NYNRIN: variants seen among roughly 807,000 people sequenced by gnomAD.
The protein encoded by NYNRIN is protein NYNRIN.
In NYNRIN, 86 loss-of-function variants were observed where a neutral mutation model predicts 146.6. The observed-to-expected ratio is 0.59, with a 90% confidence interval of 0.49 to 0.70. NYNRIN has a LOEUF of 0.70. NYNRIN is among the 30% of genes least tolerant of loss of function. The probability of loss-of-function intolerance (pLI) is 0.00; values close to 1 mark genes in which losing one functional copy is unlikely to be tolerated. For missense variants in NYNRIN, 2,191 were observed against 2,377.7 expected (o/e 0.92, Z 1.63); for synonymous variants, 1,027 against 1,001.3 (o/e 1.03, Z -0.48).
chr14:24,410,932 G>A, intron 4 of NYNRIN, 144 bp from the exon 5 acceptor site: 2 of 970,280 alleles, frequency 2.1e-6, no homozygotes, highest in Non-Finnish European at 3.1e-6. Flanking sequence ...CCAAGTAGGT[G>A]CTCACAGAAT....
At chr14:24,400,696 G>A (rs2042836338) in intron 2 of NYNRIN, among the ~76,000 whole-genome samples, 1 of 152,226 alleles carries the variant, frequency 6.6e-6, no homozygotes, top group South Asian at 2.1e-4. Context: ...GCTAACAAGA[G>A]GAGTGTTTTG....
In NYNRIN at chr14:24,411,348, C is replaced by T; in HGVS notation, c.2546-6C>T. 1.9e-6 allele frequency: 3 copies of T among 1,613,928 alleles called. No homozygotes were observed. Among genetic ancestry groups the T allele is most frequent in the Admixed American group, 1.7e-5 (1 of 60,024 alleles). The stretch of plus-strand genomic sequence containing the variant: ...ACCATTTCTGTCTTCTGCCTTTCAC[C>T]CCCAGAGAGCCACTTTCTGACGAAG... On this transcript the variant is annotated splice_region_variant and splice_polypyrimidine_tract_variant and intron_variant, in intron 5 of 8. Transcript: ENST00000382554. The surrounding 1 kb of genome is among the most constrained non-coding windows in gnomAD (Gnocchi z 4.3).
At position 24,410,132 on chromosome 14, in the gene NYNRIN, G is replaced by A. The variant is rs755826892; in HGVS notation, c.2338G>A (p.Glu780Lys). ...CCACGAGGCCCTGAATACACCCTTC[G>A]AGCTGAACCTGTCAGGGGAACCTGG... is the stretch of plus-strand genomic sequence containing the variant. ...RYHEALNTPF[E>K]LNLSGEPGNQ... Residue 780 changes from glutamate (E) to lysine (K), a missense_variant, in exon 4 of 9, where the codon GAG (glutamate) becomes AAG (lysine). This residue lies in a region of NYNRIN where 1,291 missense variants were observed against 1,417.0 expected (regional missense o/e 0.91). Transcript: ENST00000382554. 5.6e-6 allele frequency: 9 copies of A among 1,613,572 alleles called. No homozygotes were observed. In the African/African-American group the frequency reaches 8.0e-5, roughly 14 times the overall value.
rs374620922 is a variant in NYNRIN at position 24,416,700 on chromosome 14, C to T, written c.4951C>T (p.Leu1651=). The change falls in exon 9 of 9, where the codon CTG becomes TTG. Residue 1651 remains leucine (L), a synonymous_variant. Transcript: ENST00000382554. ...CACCAGGTGGGTGGAGGCATTCCCC[C>T]TGAAGCCCTACACACACACGGCTGT... ...PNTRWVEAFP[L]KPYTHTAVAQ... is the part of the protein sequence containing the mutation. The T allele has an allele frequency of 6.2e-7, 1 of 1,613,960 alleles. No homozygotes were observed. The highest frequency in any genetic ancestry group is 8.5e-7 in the Non-Finnish European group (1 of 1,179,870).
intron 2 of NYNRIN, among the ~76,000 whole-genome samples, chr14:24,407,401 A>G (rs2042881214): frequency 6.6e-6 from 1 of 152,224 alleles, no homozygotes; most frequent in South Asian, 2.1e-4. Flanking sequence ...AACTTGCCAC[A>G]GGTTGCATAG....
intron 2 of NYNRIN, among the ~76,000 whole-genome samples, chr14:24,404,649 G>C (rs531912989): frequency 2.6e-5 from 4 of 152,166 alleles, no homozygotes; most frequent in Non-Finnish European, 4.4e-5. Flanking sequence ...TGTTGGTTTT[G>C]AGCTTGATTG....
At chr14:24,405,525 T>C (rs2042870928) in intron 2 of NYNRIN, among the ~76,000 whole-genome samples, 1 of 152,188 alleles carries the variant, frequency 6.6e-6, no homozygotes, top group Non-Finnish European at 1.5e-5. Flanking sequence ...AGGAAGAAGG[T>C]CTGGGTTGGC....
In NYNRIN at chr14:24,415,842, T is replaced by A. The variant is rs763798922; in HGVS notation, c.4093T>A (p.Phe1365Ile). 3 of 1,613,990 alleles carry A rather than the reference T, an allele frequency of 1.9e-6. No individual in the cohort carries two copies. The South Asian group carries it at 3.3e-5, about 18-fold the overall frequency. ...AGCCGTGGCCTGCGGCCTGGAGCGC[T>A]TTGGCCAGTCCCCACTCCCAGTGGT... ...LAAVACGLER[F>I]GQSPLPVVFL... is the part of the protein sequence containing the mutation. The change falls in exon 9 of 9, where the codon TTT becomes ATT. Residue 1365 changes from phenylalanine (F) to isoleucine (I), a missense_variant. Transcript: ENST00000382554.
chr14:24,415,417 T>C lies in NYNRIN; in HGVS notation c.3668T>C (p.Ile1223Thr), dbSNP rs1007988240. ...GCCCTCAAGCATTTTTCCCGCTGCA[T>C]TGGAGACACCCCGGTGGTCCTGGAC... is the stretch of plus-strand genomic sequence containing the variant. ...AWALKHFSRC[I>T]GDTPVVLDLS... Residue 1223 changes from isoleucine (I) to threonine (T), a missense_variant, in exon 9 of 9, where the codon ATT becomes ACT. By Grantham distance (89) the Ile-to-Thr change is moderately conservative. Coordinates refer to ENST00000382554, the MANE Select transcript of NYNRIN (RefSeq NM_025081.3). 3.7e-6 allele frequency: 6 copies of C among 1,613,868 alleles called. No homozygotes were observed. The highest frequency in any genetic ancestry group is 1.3e-5 in the African/African-American group (1 of 74,942).
Position 24,416,161 on chromosome 14 carries a change from C to T in NYNRIN, c.4412C>T (p.Ala1471Val). The T allele has an allele frequency of 6.2e-7, 1 of 1,613,914 alleles. No individual in the cohort carries two copies. Among genetic ancestry groups the T allele is most frequent in the East Asian group, 2.2e-5 (1 of 44,868 alleles). The stretch of plus-strand genomic sequence containing the variant: ...CCAGCCCCTACAGTGAGTCCCCATG[C>T]CATGGGCAAGAGGCCCAATTTGCTG... ...DVPAPTVSPHAMGKRPNLLAL... is the reference protein window; with the variant it reads ...DVPAPTVSPHVMGKRPNLLAL... The change falls in exon 9 of 9, where the codon GCC becomes GTC. Residue 1471 changes from alanine to valine, a missense_variant. Physicochemically the swap from Ala to Val is moderately conservative, Grantham distance 64 (BLOSUM62 0). Around this residue, in one of 3 missense-constraint regions of NYNRIN, gnomAD observed 1,291 missense variants for 1,417.0 expected, o/e 0.91. Transcript: ENST00000382554.
chr14:24,408,014 CT>C lies in NYNRIN; in HGVS notation c.345del (p.Gly116AlafsTer3). The C allele has an allele frequency of 1.9e-6, 3 of 1,614,036 alleles. No individual in the cohort carries two copies. The highest frequency in any genetic ancestry group is 1.7e-6 in the Non-Finnish European group (2 of 1,179,896). On this transcript the variant is annotated frameshift_variant, in exon 3 of 9. Coordinates refer to ENST00000382554, the MANE Select transcript of NYNRIN (RefSeq NM_025081.3). LOFTEE classifies it high-confidence loss of function. Reference sequence around the variant, plus strand: ...CTTGCCTACCTGGTGCCTGGCCCCCCTGGCTCCCTGATGGTGGGCGGGCTGA... The same window carrying C: ...CTTGCCTACCTGGTGCCTGGCCCCCCGGCTCCCTGATGGTGGGCGGGCTGA... ...STLAYLVPGP[P>X]GSLMVGGLTE...
In NYNRIN at chr14:24,411,350, C is replaced by G. The variant is rs762537345; in HGVS notation, c.2546-4C>G. 3.8e-5 allele frequency: 61 copies of G among 1,613,844 alleles called. 1 individual carries two copies. In the Middle Eastern group the frequency reaches 4.9e-4, roughly 13 times the overall value. Reference sequence around the variant, plus strand: ...CATTTCTGTCTTCTGCCTTTCACCCCCAGAGAGCCACTTTCTGACGAAGCT... The same window carrying G: ...CATTTCTGTCTTCTGCCTTTCACCCGCAGAGAGCCACTTTCTGACGAAGCT... On this transcript the variant is annotated splice_region_variant and splice_polypyrimidine_tract_variant and intron_variant, in intron 5 of 8. Transcript: ENST00000382554. This position sits in a 1 kb window ranked among gnomAD's most constrained non-coding sequence, Gnocchi z 4.3.
Position 24,417,144 on chromosome 14 carries a change from G to A in NYNRIN, c.5395G>A (p.Glu1799Lys), listed in dbSNP as rs201902763. 6.2e-7 allele frequency: 1 copy of A among 1,614,010 alleles called. No individual in the cohort carries two copies. Among genetic ancestry groups the A allele is most frequent in the African/African-American group, 1.3e-5 (1 of 75,056 alleles). Residue 1799 changes from glutamate (E) to lysine (K), a missense_variant, in exon 9 of 9, where the codon GAG becomes AAG. Glu to Lys is a moderately conservative substitution (Grantham distance 56). Coordinates refer to ENST00000382554, the MANE Select transcript of NYNRIN (RefSeq NM_025081.3). ...GCTACAGCTGGTGGGGGAGCTGCTG[G>A]AGCTCCACTGGAGGGTGGCTGACAA... ...FLLQLVGELL[E>K]LHWRVADKAS... is the part of the protein sequence containing the mutation.
rs1190147840 is a variant in NYNRIN, at chr14:24,399,043, G to C, written c.-61G>C. 5 of 521,204 alleles carry C rather than the reference G, an allele frequency of 9.6e-6. No individual in the cohort carries two copies. Among genetic ancestry groups the C allele is most frequent in the Middle Eastern group, 5.0e-4 (1 of 1,984 alleles). 32.3% of individuals were successfully genotyped at this position (521,204 alleles called of 1,614,324 possible). On this transcript the variant is annotated 5_prime_UTR_variant, in exon 1 of 9. Coordinates refer to ENST00000382554, the MANE Select transcript of NYNRIN (RefSeq NM_025081.3). ...AGAGCTCGTCGCGGTAGCAGCGGTC[G>C]AAGGGGACCAAGCTCCAGAGGGCGG... is the stretch of plus-strand genomic sequence containing the variant.
Position 24,410,948 on chromosome 14 carries a change from A to T in NYNRIN, c.2415-128A>T. 8.9e-6 allele frequency: 10 copies of T among 1,129,086 alleles called. No homozygotes were observed. In the South Asian group the frequency reaches 1.4e-4, roughly 16 times the overall value. The allele number at this position is 1,129,086 out of a possible 1,614,324, so 69.9% of individuals were successfully genotyped here. A position where few individuals can be genotyped will look rare whatever the true frequency, so the allele number is the denominator to read the frequency against. On this transcript the variant is annotated intron_variant, in intron 4 of 8. Coordinates refer to ENST00000382554, the MANE Select transcript of NYNRIN (RefSeq NM_025081.3). ...CAAGTAGGTGCTCACAGAATGTCTG[A>T]GTATGGAGGGAAGGGGAGAGGGCAT...
rs368972612 is a variant in NYNRIN at position 24,413,554 on chromosome 14, A to G, written c.2846+137A>G. 58 of 600,686 alleles carry G rather than the reference A, an allele frequency of 9.7e-5. No homozygotes were observed. In the East Asian group the frequency reaches 1.6e-3, roughly 16 times the overall value. The allele number at this position is 600,686 out of a possible 1,614,324, so 37.2% of individuals were successfully genotyped here. ...TTTCATGTCTTTATACTTGTGCCAC[A>G]TGTTTATGTGTTCATAAACCACTTA... On this transcript the variant is annotated intron_variant, in intron 8 of 8. Coordinates refer to ENST00000382554, the MANE Select transcript of NYNRIN (RefSeq NM_025081.3).
Position 24,411,186 on chromosome 14 carries a change from A to G in NYNRIN, c.2525A>G (p.Lys842Arg), listed in dbSNP as rs776562470. 3 of 1,604,714 alleles carry G rather than the reference A, an allele frequency of 1.9e-6. No individual in the cohort carries two copies. Among genetic ancestry groups the G allele is most frequent in the Non-Finnish European group, 2.6e-6 (3 of 1,175,396 alleles). ...VTVFVPTWQLKKNRRVRESHF... is the reference protein window; with the variant it reads ...VTVFVPTWQLRKNRRVRESHF... Reference sequence around the variant, plus strand: ...GTGTTTGTACCCACCTGGCAGCTGAAGAAGAACCGGAGGGTGAGAGGTGAG... The same window carrying G: ...GTGTTTGTACCCACCTGGCAGCTGAGGAAGAACCGGAGGGTGAGAGGTGAG... Residue 842 changes from lysine (K) to arginine (R), a missense_variant, in exon 5 of 9, where the codon AAG becomes AGG. By Grantham distance (26) the Lys-to-Arg change is conservative (BLOSUM62 2). Transcript: ENST00000382554. The surrounding 1 kb of genome is among the most constrained non-coding windows in gnomAD (Gnocchi z 4.3).
chr14:24,412,002 CTCT>C (rs2042915593), intron 6 of NYNRIN, among the ~76,000 whole-genome samples: 1 of 152,182 alleles, frequency 6.6e-6, no homozygotes, highest in Admixed American at 6.5e-5. Flanking sequence ...GTGACCCTGC[CTCT>C]CTTAGGGCAG....
At position 24,408,623 on chromosome 14, in the gene NYNRIN, C is replaced by T. The variant is rs758854311; in HGVS notation, c.858-29C>T. On this transcript the variant is annotated intron_variant, in intron 3 of 8. Coordinates refer to ENST00000382554, the MANE Select transcript of NYNRIN (RefSeq NM_025081.3). ...AGTTTGGGACCAAACTGGCCTTCCA[C>T]CTTTTCAATGAACTTGGGCTTCCTC... The T allele has an allele frequency of 1.2e-5, 18 of 1,563,952 alleles. No individual in the cohort carries two copies. The East Asian group carries it at 3.9e-4, about 33-fold the overall frequency.
Sources: gnomAD v4.1 joint callset for allele counts (sites outside exome capture counted in the v4.1 genomes callset) on GRCh38, gnomAD v4.1.1 for gene constraint, gnomAD v4.1.1 regional missense constraint, Gnocchi (gnomAD v3.1) non-coding constraint, MANE v1.5 for transcripts, NCBI Gene and HGNC (gene_info 2026-07-23, HGNC 2026-07-21) for gene names.